Variants in ADGB observed in about 807,000 individuals in gnomAD.
ADGB encodes the protein calpain-7-like protein.
Under a neutral mutation model 210.5 loss-of-function variants are expected in ADGB, and 172 were observed. The observed-to-expected ratio is 0.82, with a 90% CI of 0.72 to 0.93. ADGB has a LOEUF of 0.93. Ranked by LOEUF, ADGB falls within the 40% of genes least tolerant of loss-of-function variation. The pLI, the probability that ADGB is intolerant of heterozygous loss-of-function variation, is 0.00. For missense variants in ADGB, 2,025 were observed against 1,964.8 expected, an observed-to-expected ratio of 1.03 and a Z score of -0.58; for synonymous variants, 658 against 662.7, an observed-to-expected ratio of 0.99 and a Z score of 0.11.
At chr6:146,732,338 C>T (rs1776999943) in intron 20 of ADGB, among the ~76,000 whole-genome samples, 1 of 152,094 alleles carries the variant, frequency 6.6e-6, no homozygotes, top group Non-Finnish European at 1.5e-5. Flanking sequence ...CCACTGAAAG[C>T]AATTTGCCAC....
chr6:146,672,780 G>A (rs1365018841), intron 8 of ADGB, among the ~76,000 whole-genome samples: 1 of 150,148 alleles, frequency 6.7e-6, no homozygotes, highest in East Asian at 1.9e-4. Flanking sequence ...GCCCAGGCTG[G>A]AGTCCAGTGG....
At chr6:146,736,110 G>T (rs923322909) in intron 22 of ADGB, among the ~76,000 whole-genome samples, 2 of 152,152 alleles carry the variant, frequency 1.3e-5, no homozygotes, top group African/African-American at 4.8e-5. Context: ...AGTAGATTGA[G>T]ATCTAATAAA....
chr6:146,695,655 C>A (rs559552315), intron 12 of ADGB, among the ~76,000 whole-genome samples: 1 of 151,774 alleles, frequency 6.6e-6, no homozygotes, highest in Non-Finnish European at 1.5e-5. Context: ...GCATTAGCAA[C>A]ATTTTAAGTT....
intron 29 of ADGB, among the ~76,000 whole-genome samples, chr6:146,779,367 C>T (rs1452273434): frequency 6.6e-6 from 1 of 152,084 alleles, no homozygotes; most frequent in East Asian, 1.9e-4. Flanking sequence ...AATGGGAACT[C>T]CAGAGGGAGA....
chr6:146,733,800 A>G, intron 21 of ADGB, 93 bp from the exon 22 acceptor site: 4 of 1,344,824 alleles, frequency 3.0e-6, no homozygotes, highest in Non-Finnish European at 4.1e-6. Context: ...GTAGAATTTT[A>G]TATGTTGGAG....
chr6:146,635,689 C>T (rs995835033), intron 2 of ADGB, among the ~76,000 whole-genome samples, 152 bp downstream of exon 2: 1 of 152,032 alleles, frequency 6.6e-6, no homozygotes, highest in African/African-American at 2.4e-5. Flanking sequence ...CCTCCCAACA[C>T]TCCCACTTTG....
At chr6:146,803,362 G>C (rs937259357) in intron 35 of ADGB, 2 of 1,606,022 alleles carry the variant, frequency 1.2e-6, no homozygotes, top group African/African-American at 2.7e-5. Context: ...CGACTGTCAT[G>C]GTGTAATTTT....
At position 146,785,683 on chromosome 6, in the gene ADGB, C is replaced by G; in HGVS notation, c.4286C>G (p.Ser1429Cys). Residue 1429 changes from serine to cysteine, a missense_variant, in exon 32 of 36, where the codon TCT becomes TGT. Coordinates refer to ENST00000397944, the MANE Select transcript of ADGB (RefSeq NM_024694.4). ...TCTGATGCTGAGAGTCCGCCTATAT[C>G]TGAAAGCCAAACTAAACCAAAAGAA... ...KTSDAESPPI[S>C]ESQTKPKEEV... The G allele has an allele frequency of 6.4e-7, 1 of 1,550,968 alleles. No homozygotes were observed.
At chr6:146,632,384 G>A (rs137942242) in intron 1 of ADGB, among the ~76,000 whole-genome samples, 66 of 152,164 alleles carry the variant, frequency 4.3e-4, no homozygotes, top group Middle Eastern at 3.4e-3. Flanking sequence ...GAGCACTCTT[G>A]GAGTTACTCT....
At chr6:146,687,190 G>A (rs551404868) in intron 10 of ADGB, among the ~76,000 whole-genome samples, 2 of 152,048 alleles carry the variant, frequency 1.3e-5, no homozygotes, top group Non-Finnish European at 2.9e-5. Context: ...ACAGCAATTT[G>A]GACTGAATAT....
intron 3 of ADGB, among the ~76,000 whole-genome samples, chr6:146,650,745 C>G (rs1168380230): frequency 2.6e-5 from 4 of 151,638 alleles, no homozygotes; most frequent in South Asian, 2.1e-4. Context: ...GCAATTGAGA[C>G]CATTTCAAAG....
At chr6:146,647,169 T>G (rs566037476) in intron 3 of ADGB, among the ~76,000 whole-genome samples, 4 of 150,994 alleles carry the variant, frequency 2.6e-5, no homozygotes, top group African/African-American at 9.7e-5. Context: ...AAAACCAGAT[T>G]CCTGGGTCTG....
chr6:146,728,868 A>G, intron 20 of ADGB, 127 bp downstream of exon 20: 2 of 782,988 alleles, frequency 2.6e-6, no homozygotes, highest in Non-Finnish European at 3.8e-6. Flanking sequence ...TATATTTGGG[A>G]AGTGATTTCA....
In ADGB at chr6:146,785,623, G is replaced by A. The variant is rs965416771; in HGVS notation, c.4226G>A (p.Arg1409His). Residue 1409 changes from arginine (R) to histidine (H), a missense_variant, in exon 32 of 36, where the codon CGT becomes CAT. By Grantham distance (29) the Arg-to-His change is conservative. Transcript: ENST00000397944. ...TTTGTTTTTTAGGCTTCTCAGGCTC[G>A]TTTGCATTACCTTAGCGGGTTCATT... ...PGRAIKASQA[R>H]LHYLSGFIKK... 23 of 1,549,860 alleles carry A rather than the reference G, an allele frequency of 1.5e-5. No individual in the cohort carries two copies. The highest frequency in any genetic ancestry group is 1.7e-4 in the Middle Eastern group (1 of 6,006).
At chr6:146,620,920 C>T (rs1043668461) in intron 1 of ADGB, among the ~76,000 whole-genome samples, 6 of 152,106 alleles carry the variant, frequency 3.9e-5, no homozygotes, top group African/African-American at 1.4e-4. Context: ...TTTTTGCTGA[C>T]ATTCTTTGGT....
chr6:146,775,535 T>C (rs367836207), intron 29 of ADGB, among the ~76,000 whole-genome samples: 52 of 152,322 alleles, frequency 3.4e-4, no homozygotes, highest in African/African-American at 1.2e-3. Context: ...CATGTATAAT[T>C]ACTGGTGTTG....
At chr6:146,813,269 C>CCA (rs536301350) in intron 35 of ADGB, among the ~76,000 whole-genome samples, 4,835 of 151,956 alleles carry the variant, frequency 0.032, 128 homozygotes, top group East Asian at 0.13. Context: ...CTTACTTCTT[C>CCA]AGAGTGTTCT....
Position 146,664,301 on chromosome 6 carries a change from T to C in ADGB, c.713T>C (p.Met238Thr). Residue 238 changes from methionine to threonine, a missense_variant, in exon 6 of 36, where the codon ATG (methionine) becomes ACG (threonine). By Grantham distance (81) the Met-to-Thr change is moderately conservative (BLOSUM62 -1). Transcript: ENST00000397944. ...ATTYEFELWP[M>T]LLSKAIIKLA... ...ACTTATGAATTTGAACTGTGGCCAATGCTTTTGTCTAAAGCTATTATCAAG... is the reference window on the plus strand; with the variant it reads ...ACTTATGAATTTGAACTGTGGCCAACGCTTTTGTCTAAAGCTATTATCAAG... 6.5e-7 allele frequency: 1 copy of C among 1,549,914 alleles called. No homozygotes were observed. Among genetic ancestry groups the C allele is most frequent in the Non-Finnish European group, 8.7e-7 (1 of 1,146,088 alleles).
chr6:146,732,371 A>C (rs1777000221), intron 20 of ADGB, among the ~76,000 whole-genome samples: 1 of 152,142 alleles, frequency 6.6e-6, no homozygotes. Context: ...TGGACTTCTC[A>C]GGGGACTATA....
Sources: allele counts gnomAD v4.1 joint callset (sites outside exome capture counted in the v4.1 genomes callset), GRCh38; gene constraint gnomAD v4.1.1; transcripts MANE v1.5; gene names NCBI Gene and HGNC (gene_info 2026-07-23, HGNC 2026-07-21).